The following FRY variants were observed in gnomAD, a reference collection of about 807,000 sequenced individuals.
FRY encodes protein furry homolog.
Under a neutral mutation model 348.4 loss-of-function variants are expected in FRY, and 128 were observed. That is an observed-to-expected ratio of 0.37 (90% CI 0.32 to 0.43). The LOEUF (loss-of-function observed/expected upper bound fraction) is 0.43, where lower values mean the gene tolerates loss of function less well. FRY is among the 20% of genes least tolerant of loss of function. The pLI is 1.00. For synonymous variants in FRY, 1,370 were observed against 1,374.7 expected, an observed-to-expected ratio of 1.00 and a Z score of 0.08; for missense variants, 2,736 against 3,695.2, an observed-to-expected ratio of 0.74 and a Z score of 6.73.
Position 32,271,120 on chromosome 13 carries a change from A to G in FRY, c.8137-3722A>G, listed in dbSNP as rs578220234. ...CCCTCTACCTGCCTGGCACCTGGCA[A>G]CCCACCAGTTGAGATGCTGGTGAGA... is the stretch of plus-strand genomic sequence containing the variant. On this transcript the variant is annotated intron_variant, in intron 55 of 60. Transcript: ENST00000542859. Among the ~76,000 whole-genome samples, 467 of 152,260 alleles carry G rather than the reference A, an allele frequency of 3.1e-3. 2 individuals are homozygous for G. The highest frequency in any genetic ancestry group is 0.011 in the African/African-American group (450 of 41,538).
At chr13:32,269,562 C>T (rs187112779) in intron 55 of FRY, among the ~76,000 whole-genome samples, 3 of 152,222 alleles carry the variant, frequency 2.0e-5, no homozygotes, top group African/African-American at 4.8e-5. Context: ...TGATGGGGCA[C>T]ATACCTGTAA....
rs901422186 is a variant in FRY, at chr13:32,211,094, A to C, written c.4591+60A>C. The C allele has an allele frequency of 1.7e-5, 24 of 1,451,092 alleles. 1 individual carries two copies. Among genetic ancestry groups the C allele is most frequent in the African/African-American group, 1.5e-4 (11 of 71,596 alleles). The allele number at this position is 1,451,092 out of a possible 1,614,324, so 89.9% of individuals were successfully genotyped here. A position where few individuals can be genotyped will look rare whatever the true frequency, so the allele number is the denominator to read the frequency against. The stretch of plus-strand genomic sequence containing the variant: ...GATCCCTGGGGTTTCCTTCATGTAG[A>C]TTCCTGAAAGGATATGAGAATGTGT... On this transcript the variant is annotated intron_variant, in intron 34 of 60. Transcript: ENST00000542859.
At chr13:32,184,858 A>G (rs1001509089) in intron 25 of FRY, 118 bp from the exon 26 acceptor site, 7 of 1,052,720 alleles carry the variant, frequency 6.6e-6, no homozygotes, top group African/African-American at 4.7e-5. Context: ...TACACTGCAT[A>G]TAGGTTAGGA....
Position 32,162,080 on chromosome 13 carries a change from C to T in FRY, c.1892+829C>T, listed in dbSNP as rs974781722. 3.3e-5 allele frequency among the ~76,000 whole-genome samples: 5 copies of T among 152,232 alleles called. No homozygotes were observed. The South Asian group carries it at 8.3e-4, about 25-fold the overall frequency. The stretch of plus-strand genomic sequence containing the variant: ...GAGGGAAAAAAGAGAAAATAGTTTA[C>T]AAACCCAATGATGAAAGGAAATTGA... On this transcript the variant is annotated intron_variant, in intron 17 of 60. Coordinates refer to ENST00000542859, the MANE Select transcript of FRY (RefSeq NM_023037.3).
At chr13:32,115,970 C>T (rs1878278278) in intron 3 of FRY, among the ~76,000 whole-genome samples, 1 of 152,006 alleles carries the variant, frequency 6.6e-6, no homozygotes, top group Non-Finnish European at 1.5e-5. Flanking sequence ...TGAACATTTT[C>T]ATGTCATATT....
intron 55 of FRY, among the ~76,000 whole-genome samples, chr13:32,268,500 AAAAAAATAT>A (rs1423466691): frequency 3.9e-3 from 73 of 18,940 alleles, no homozygotes; most frequent in East Asian, 0.032. Flanking sequence ...AAAAAAAAAA[AAAAAAATAT>A]ATATATATAT....
chr13:32,135,287 A>G, intron 10 of FRY, 104 bp downstream of exon 10: 1 of 748,584 alleles, frequency 1.3e-6, no homozygotes, highest in Non-Finnish European at 2.4e-6. Flanking sequence ...AGATAGGAAA[A>G]GTACCTAAAG....
chr13:32,257,513 T>C (rs1887399932), intron 51 of FRY, among the ~76,000 whole-genome samples: 1 of 152,258 alleles, frequency 6.6e-6, no homozygotes. Flanking sequence ...ATATGAACAG[T>C]AAGCATCATG....
In FRY at chr13:32,297,288, AGAT is replaced by A. The variant is rs1281029127; in HGVS notation, c.*1832_*1834del. 6.6e-6 allele frequency: 1 copy of A among 152,208 alleles called. No homozygotes were observed. Among genetic ancestry groups the A allele is most frequent in the Non-Finnish European group, 1.5e-5 (1 of 68,042 alleles). 9.4% of individuals were successfully genotyped at this position (152,208 alleles called of 1,614,324 possible). On this transcript the variant is annotated 3_prime_UTR_variant, in exon 61 of 61. Coordinates refer to ENST00000542859, the MANE Select transcript of FRY (RefSeq NM_023037.3). ...ATTTATTTTTTTCAACTTGCCTGAA[AGAT>A]GATTTGCTATGATTTGTAGAAACAA...
chr13:32,170,094 A>T (rs1429978857), intron 17 of FRY, among the ~76,000 whole-genome samples: 2 of 152,186 alleles, frequency 1.3e-5, no homozygotes, highest in Non-Finnish European at 2.9e-5. Context: ...ATGTGTCCAG[A>T]CATTGCCAGA....
intron 36 of FRY, among the ~76,000 whole-genome samples, chr13:32,223,981 C>T (rs930948124): frequency 8.6e-5 from 13 of 152,040 alleles, no homozygotes; most frequent in Non-Finnish European, 1.8e-4. Flanking sequence ...AGGTGATCCA[C>T]CCACCTCAGC....
chr13:32,225,842 C>A lies in FRY; in HGVS notation c.5074C>A (p.His1692Asn). 6.2e-7 allele frequency: 1 copy of A among 1,614,080 alleles called. No individual in the cohort carries two copies. Among genetic ancestry groups the A allele is most frequent in the South Asian group, 1.1e-5 (1 of 91,086 alleles). The stretch of plus-strand genomic sequence containing the variant: ...TGAACACAGCAAAAAACTGCTTCTT[C>A]ACCTCTTGATTGCCCTCTCTTGCAA... Reference protein sequence around the residue: ...VFEHSKKLLLHLLIALSCNSN... With the variant: ...VFEHSKKLLLNLLIALSCNSN... The change falls in exon 39 of 61, where the codon CAC becomes AAC. Residue 1692 changes from histidine (H) to asparagine (N), a missense_variant. This residue lies in a region of FRY where 794 missense variants were observed against 977.0 expected (regional missense o/e 0.81). Transcript: ENST00000542859.
At chr13:32,063,095 G>T (rs1874042320) in intron 1 of FRY, among the ~76,000 whole-genome samples, 1 of 152,128 alleles carries the variant, frequency 6.6e-6, no homozygotes, top group South Asian at 2.1e-4. Flanking sequence ...GTCACCCTCT[G>T]CATCATGTAA....
chr13:32,131,694 T>C lies in FRY; in HGVS notation c.739T>C (p.Phe247Leu), dbSNP rs765066662. Residue 247 changes from phenylalanine (F) to leucine (L), a missense_variant, in exon 8 of 61, where the codon TTT (phenylalanine) becomes CTT (leucine). By Grantham distance (22) the Phe-to-Leu change is conservative. Transcript: ENST00000542859. ...QAKFPAVKKK[F>L]MAELKELRHK... ...TAGATTCCCTGCTGTAAAGAAGAAA[T>C]TTATGGCGGAGCTAAAAGAATTACG... The C allele has an allele frequency of 6.2e-7, 1 of 1,613,766 alleles. No homozygotes were observed. The highest frequency in any genetic ancestry group is 8.5e-7 in the Non-Finnish European group (1 of 1,179,824).
intron 47 of FRY, among the ~76,000 whole-genome samples, chr13:32,246,755 C>T (rs1326821418): frequency 1.3e-5 from 2 of 152,094 alleles, no homozygotes; most frequent in African/African-American, 4.8e-5. Context: ...CCAGTGCCAG[C>T]AGGAATGCCG....
rs532272523 is a variant in FRY, at chr13:32,272,984, T to A, written c.8137-1858T>A. Reference sequence around the variant, plus strand: ...AGGTTTTGAACTCCTGACTTTGTGATCCTCCTGCCTCGGCCTCCCAAAAAA... The same window carrying A: ...AGGTTTTGAACTCCTGACTTTGTGAACCTCCTGCCTCGGCCTCCCAAAAAA... On this transcript the variant is annotated intron_variant, in intron 55 of 60. Transcript: ENST00000542859. Among the ~76,000 whole-genome samples the A allele has an allele frequency of 2.0e-5, 3 of 152,100 alleles. No individual in the cohort carries two copies. In the South Asian group the frequency reaches 6.2e-4, roughly 32 times the overall value.
At position 32,228,649 on chromosome 13, in the gene FRY, G is replaced by T; in HGVS notation, c.5400G>T (p.Thr1800=). 1 of 1,613,914 alleles carries T rather than the reference G, an allele frequency of 6.2e-7. No individual in the cohort carries two copies. Among genetic ancestry groups the T allele is most frequent in the South Asian group, 1.1e-5 (1 of 91,036 alleles). The change falls in exon 40 of 61, where the codon ACG becomes ACT. Residue 1800 remains threonine, a synonymous_variant. Coordinates refer to ENST00000542859, the MANE Select transcript of FRY (RefSeq NM_023037.3). ...CAAACAAGCTCATTGAGTTTCTCAC[G>T]ACCAGGTAATAAGGGGTTAGGAGTC... ...EKANKLIEFL[T]TRAFGPLWCH...
At chr13:32,133,305 A>G (rs1473991903) in intron 8 of FRY, among the ~76,000 whole-genome samples, 1 of 152,186 alleles carries the variant, frequency 6.6e-6, no homozygotes, top group African/African-American at 2.4e-5. Context: ...GACCAGTCAC[A>G]CTTAACCCCT....
intron 28 of FRY, among the ~76,000 whole-genome samples, chr13:32,189,901 T>C (rs1449629427): frequency 1.3e-5 from 2 of 152,020 alleles, no homozygotes; most frequent in East Asian, 3.8e-4. Context: ...TACAAAACTT[T>C]AAATAAAATA....
Sources: allele counts gnomAD v4.1 joint callset (sites outside exome capture counted in the v4.1 genomes callset), GRCh38; gene constraint gnomAD v4.1.1; regional missense constraint gnomAD v4.1.1; transcripts MANE v1.5; gene names NCBI Gene and HGNC (gene_info 2026-07-23, HGNC 2026-07-21).